FSIP1: variants seen among roughly 807,000 people sequenced by gnomAD.
FSIP1 encodes the protein fibrous sheath interacting protein 1.
Under a neutral mutation model 60.9 loss-of-function variants are expected in FSIP1, and 65 were observed. The observed-to-expected ratio is 1.07, with a 90% confidence interval of 0.87 to 1.31. The LOEUF is 1.31. Ranked by LOEUF, FSIP1 falls within the 40% of genes most tolerant of loss-of-function variation. The probability of loss-of-function intolerance (pLI) is 0.00; values close to 1 mark genes in which losing one functional copy is unlikely to be tolerated. For missense variants in FSIP1, 675 were observed against 665.5 expected (o/e 1.01, Z -0.16); for synonymous variants, 209 against 221.2 (o/e 0.94, Z 0.49).
intron 10 of FSIP1, among the ~76,000 whole-genome samples, chr15:39,667,895 G>C (rs1215290315): frequency 6.6e-6 from 1 of 152,194 alleles, no homozygotes; most frequent in Admixed American, 6.5e-5. Flanking sequence ...GTCTAGTAAT[G>C]TAACTAGTGA....
intron 10 of FSIP1, among the ~76,000 whole-genome samples, chr15:39,682,386 C>T (rs1391407350): frequency 2.0e-5 from 3 of 152,086 alleles, no homozygotes; most frequent in African/African-American, 4.8e-5. Context: ...AATATAAAAC[C>T]CCACACATTT....
At chr15:39,723,520 T>A (rs916545269) in intron 9 of FSIP1, among the ~76,000 whole-genome samples, 1 of 152,216 alleles carries the variant, frequency 6.6e-6, no homozygotes, top group Non-Finnish European at 1.5e-5. Context: ...TGAGCCACCA[T>A]GCCCAGCCTG....
intron 8 of FSIP1, among the ~76,000 whole-genome samples, chr15:39,734,153 G>A (rs1896521877): frequency 6.6e-6 from 1 of 152,008 alleles, no homozygotes; most frequent in South Asian, 2.1e-4. Flanking sequence ...AATCCTACAT[G>A]CTTCAAGAAA....
chr15:39,768,937 C>T (rs1170192018), intron 3 of FSIP1, among the ~76,000 whole-genome samples: 1 of 152,220 alleles, frequency 6.6e-6, no homozygotes, highest in African/African-American at 2.4e-5. Context: ...CCTCTTAACA[C>T]ATTTCATTAC....
intron 10 of FSIP1, among the ~76,000 whole-genome samples, chr15:39,698,479 T>C (rs1894915524): frequency 6.6e-6 from 1 of 152,166 alleles, no homozygotes; most frequent in South Asian, 2.1e-4. Context: ...ACTCAAGAGA[T>C]TTGCTCCCTC....
At chr15:39,742,162 T>A (rs1896826012) in intron 5 of FSIP1, among the ~76,000 whole-genome samples, 1 of 152,188 alleles carries the variant, frequency 6.6e-6, no homozygotes, top group Non-Finnish European at 1.5e-5. Context: ...ACAAAAAGGA[T>A]GTGTAAGAGT....
intron 11 of FSIP1, among the ~76,000 whole-genome samples, chr15:39,616,996 G>A (rs1891255091): frequency 6.6e-6 from 1 of 152,186 alleles, no homozygotes; most frequent in African/African-American, 2.4e-5. Context: ...TTGCTCCTGG[G>A]TGACTAAGGA....
At chr15:39,774,297 A>G (rs969531870) in intron 2 of FSIP1, among the ~76,000 whole-genome samples, 1 of 152,176 alleles carries the variant, frequency 6.6e-6, no homozygotes, top group Non-Finnish European at 1.5e-5. Context: ...AGCCTGGCCA[A>G]TATGGTGAAA....
At chr15:39,679,564 T>C (rs1894078723) in intron 10 of FSIP1, among the ~76,000 whole-genome samples, 2 of 152,164 alleles carry the variant, frequency 1.3e-5, no homozygotes, top group Non-Finnish European at 2.9e-5. Flanking sequence ...ATCAGGCCAC[T>C]GCACTCTGGC....
intron 10 of FSIP1, among the ~76,000 whole-genome samples, chr15:39,636,902 G>A (rs80264361): frequency 0.032 from 4,917 of 152,240 alleles, 138 homozygotes; most frequent in Non-Finnish European, 0.049. Context: ...TTAGGAATCT[G>A]AGCTTATATT....
chr15:39,598,318 T>C (rs1156626720), downstream of FSIP1: 1 of 152,232 alleles, frequency 6.6e-6, no homozygotes. Flanking sequence ...CTCATCTTTC[T>C]GAGTAGCCAT....
At chr15:39,666,909 A>C (rs967363649) in intron 10 of FSIP1, among the ~76,000 whole-genome samples, 3 of 152,208 alleles carry the variant, frequency 2.0e-5, no homozygotes, top group Non-Finnish European at 2.9e-5. Context: ...TACCAGCATA[A>C]AATAGCCAAG....
At chr15:39,612,645 G>A (rs1891077467) in intron 11 of FSIP1, among the ~76,000 whole-genome samples, 5 of 151,864 alleles carry the variant, frequency 3.3e-5, no homozygotes, top group Admixed American at 3.3e-4. Context: ...AAATATTAGA[G>A]CCAAAATAAA....
intron 10 of FSIP1, among the ~76,000 whole-genome samples, chr15:39,704,082 TTC>T (rs1234153119): frequency 6.6e-6 from 1 of 152,208 alleles, no homozygotes; most frequent in African/African-American, 2.4e-5. Flanking sequence ...TTTTTAACGT[TTC>T]TCTGTTAATG....
chr15:39,634,144 T>A (rs1186230816), intron 10 of FSIP1, among the ~76,000 whole-genome samples: 4 of 152,136 alleles, frequency 2.6e-5, no homozygotes, highest in Non-Finnish European at 1.5e-5. Flanking sequence ...CTCCCCACTC[T>A]CTTTTGCGTC....
At chr15:39,765,057 T>C (rs1897633520) in intron 4 of FSIP1, among the ~76,000 whole-genome samples, 1 of 152,126 alleles carries the variant, frequency 6.6e-6, no homozygotes, top group South Asian at 2.1e-4. Flanking sequence ...AGCGCAGTGC[T>C]TGAAATCTGA....
chr15:39,643,036 C>G (rs1024495881), intron 10 of FSIP1, among the ~76,000 whole-genome samples: 18 of 152,308 alleles, frequency 1.2e-4, no homozygotes, highest in Admixed American at 1.1e-3. Flanking sequence ...TCAATAAATT[C>G]CTATTCAGAC....
intron 10 of FSIP1, among the ~76,000 whole-genome samples, chr15:39,711,820 G>A (rs908073732): frequency 1.3e-5 from 2 of 151,684 alleles, no homozygotes; most frequent in Non-Finnish European, 2.9e-5. Flanking sequence ...AAGTAGCTGG[G>A]ACTACGGGCG....
chr15:39,780,381 C>T (rs1192797094), intron 1 of FSIP1, among the ~76,000 whole-genome samples: 3 of 152,054 alleles, frequency 2.0e-5, no homozygotes, highest in Admixed American at 6.6e-5. Flanking sequence ...AAAAATTAGC[C>T]GGGAGTGGTG....
Sources: gnomAD v4.1 joint callset for allele counts (sites outside exome capture counted in the v4.1 genomes callset) on GRCh38, gnomAD v4.1.1 for gene constraint, MANE v1.5 for transcripts, NCBI Gene and HGNC (gene_info 2026-07-23, HGNC 2026-07-21) for gene names.